EPHB2: variants seen among roughly 807,000 people sequenced by gnomAD.
EPHB2 encodes EPH receptor B2.
Under a neutral mutation model 96.4 loss-of-function variants are expected in EPHB2, and 18 were observed. That is an observed-to-expected ratio of 0.19 (90% CI 0.13 to 0.28). The LOEUF (loss-of-function observed/expected upper bound fraction) is 0.28, where lower values mean the gene tolerates loss of function less well. EPHB2 is among the 10% of genes least tolerant of loss of function. The pLI is 1.00. For synonymous variants in EPHB2, 506 were observed against 534.1 expected (o/e 0.95, Z 0.72); for missense variants, 989 against 1,355.4 (o/e 0.73, Z 4.25).
rs1339874233 is a variant in EPHB2, at chr1:22,905,780, G to C, written c.1766-207G>C. The stretch of plus-strand genomic sequence containing the variant: ...CTAAGACCTATCTGCCACCCCTGCT[G>C]GTCTCTGTTCCCCTCACCTCCTACT... On this transcript the variant is annotated intron_variant, in intron 9 of 15. Coordinates refer to ENST00000374630, the MANE Select transcript of EPHB2 (RefSeq NM_017449.5). Among the ~76,000 whole-genome samples the C allele has an allele frequency of 7.2e-5, 11 of 152,278 alleles. No homozygotes were observed. The East Asian group carries it at 2.1e-3, about 29-fold the overall frequency.
rs1454245792 is a variant in EPHB2 at position 22,781,411 on chromosome 1, C to G, written c.62-10C>G. 17 of 1,613,756 alleles carry G rather than the reference C, an allele frequency of 1.1e-5. No individual in the cohort carries two copies. The highest frequency in any genetic ancestry group is 1.4e-5 in the Non-Finnish European group (17 of 1,179,890). On this transcript the variant is annotated splice_polypyrimidine_tract_variant and intron_variant, in intron 1 of 15. Transcript: ENST00000374630. ...TGGGGCGGGGTGGTGACTCTTTGCT[C>G]TCCCCACAGAAACGCTAATGGACTC...
At chr1:22,889,435 T>C (rs1415735006) in intron 6 of EPHB2, among the ~76,000 whole-genome samples, 1 of 152,226 alleles carries the variant, frequency 6.6e-6, no homozygotes, top group Non-Finnish European at 1.5e-5. Context: ...TGGTACTGCA[T>C]CCCAGGTTTT....
At chr1:22,880,494 C>G (rs754413111) in intron 5 of EPHB2, among the ~76,000 whole-genome samples, 3 of 152,222 alleles carry the variant, frequency 2.0e-5, no homozygotes, top group Non-Finnish European at 2.9e-5. Flanking sequence ...GGTGAGTCCT[C>G]AGCCCCTCCT....
chr1:22,880,335 G>A (rs1638995442), intron 5 of EPHB2, among the ~76,000 whole-genome samples: 1 of 152,216 alleles, frequency 6.6e-6, no homozygotes, highest in Admixed American at 6.5e-5. Context: ...ATCCCATATG[G>A]TCAGAGCCCC....
chr1:22,862,987 T>C (rs754191330), intron 3 of EPHB2, 50 bp from the exon 4 acceptor site: 3 of 1,613,652 alleles, frequency 1.9e-6, no homozygotes, highest in Middle Eastern at 3.3e-4. Flanking sequence ...TCGTGACCTC[T>C]CTGAGTCTTC....
intron 1 of EPHB2, among the ~76,000 whole-genome samples, chr1:22,746,793 G>T (rs1050675967): frequency 3.9e-5 from 6 of 152,136 alleles, no homozygotes; most frequent in Non-Finnish European, 7.4e-5. Context: ...TCCCACGAGG[G>T]TGTAGGGGAG....
At chr1:22,741,089 C>T (rs753062564) in intron 1 of EPHB2, among the ~76,000 whole-genome samples, 18 of 152,072 alleles carry the variant, frequency 1.2e-4, no homozygotes, top group Admixed American at 7.2e-4. Flanking sequence ...ATGCAGGTCC[C>T]GTTTTCCTAT....
At position 22,728,699 on chromosome 1, in the gene EPHB2, A is replaced by T. The variant is rs1269072786; in HGVS notation, c.61+17656A>T. ...ACATGGACTGATCACACTAGGGATGATCTTCCCATGGCCGACAACTCTAAG... is the reference window on the plus strand; with the variant it reads ...ACATGGACTGATCACACTAGGGATGTTCTTCCCATGGCCGACAACTCTAAG... On this transcript the variant is annotated intron_variant, in intron 1 of 15. Coordinates refer to ENST00000374630, the MANE Select transcript of EPHB2 (RefSeq NM_017449.5). Among the ~76,000 whole-genome samples, 4 of 152,178 alleles carry T rather than the reference A, an allele frequency of 2.6e-5. No individual in the cohort carries two copies. In the East Asian group the frequency reaches 7.7e-4, roughly 29 times the overall value.
At chr1:22,788,482 C>T (rs1644643117) in intron 3 of EPHB2, among the ~76,000 whole-genome samples, 1 of 152,218 alleles carries the variant, frequency 6.6e-6, no homozygotes, top group African/African-American at 2.4e-5. Context: ...TGCTGCAGCC[C>T]AAGCCCCATA....
intron 3 of EPHB2, among the ~76,000 whole-genome samples, chr1:22,842,180 C>T (rs1245869807): frequency 3.3e-5 from 5 of 151,878 alleles, no homozygotes; most frequent in African/African-American, 1.2e-4. Context: ...AGAGGAGGCT[C>T]TGCCAGCCCC....
chr1:22,898,874 C>T (rs1186699037), intron 9 of EPHB2, among the ~76,000 whole-genome samples: 1 of 152,182 alleles, frequency 6.6e-6, no homozygotes, highest in East Asian at 1.9e-4. Flanking sequence ...TACGAAGCCT[C>T]TGGGTAAGAC....
chr1:22,859,397 CAG>C (rs984821057), intron 3 of EPHB2, among the ~76,000 whole-genome samples: 12 of 151,884 alleles, frequency 7.9e-5, no homozygotes, highest in African/African-American at 2.9e-4. Context: ...AGGGGCCCTG[CAG>C]AGTTTGGGCT....
chr1:22,782,202 A>G (rs949653272), intron 2 of EPHB2, among the ~76,000 whole-genome samples: 3 of 152,098 alleles, frequency 2.0e-5, no homozygotes, highest in Middle Eastern at 3.2e-3. Flanking sequence ...CAGTTTCTTC[A>G]TCTATAAAAT....
chr1:22,766,321 T>C (rs1046130049), intron 1 of EPHB2, among the ~76,000 whole-genome samples: 110 of 152,208 alleles, frequency 7.2e-4, no homozygotes, highest in African/African-American at 2.6e-3. Flanking sequence ...GCCTGGTACA[T>C]TGAGCACCTA....
intron 5 of EPHB2, among the ~76,000 whole-genome samples, chr1:22,870,591 A>G (rs1031876403): frequency 6.6e-6 from 1 of 152,186 alleles, no homozygotes. Flanking sequence ...CCGAATGACA[A>G]GCAGACAGCC....
chr1:22,849,090 G>A (rs1223235872), intron 3 of EPHB2, among the ~76,000 whole-genome samples: 1 of 152,132 alleles, frequency 6.6e-6, no homozygotes, highest in Non-Finnish European at 1.5e-5. Context: ...GGGCAGCTGG[G>A]GTTAAGAGCA....
At chr1:22,912,679 G>T in intron 15 of EPHB2, 80 bp downstream of exon 15, 1 of 1,593,600 alleles carries the variant, frequency 6.3e-7, no homozygotes, top group Non-Finnish European at 8.5e-7. Flanking sequence ...GTGATCTGGA[G>T]GGTGAGGAAT....
chr1:22,712,719 G>A (rs1045488146), intron 1 of EPHB2, among the ~76,000 whole-genome samples: 2 of 152,240 alleles, frequency 1.3e-5, no homozygotes, highest in African/African-American at 4.8e-5. Flanking sequence ...GGCCCTGGGT[G>A]TGGAGGGCAG....
rs922804000 is a variant in EPHB2 at position 22,733,061 on chromosome 1, CT to C, written c.61+22027del. Among the ~76,000 whole-genome samples the C allele has an allele frequency of 4.0e-5, 6 of 150,832 alleles. No individual in the cohort carries two copies. The highest frequency in any genetic ancestry group is 8.9e-5 in the Non-Finnish European group (6 of 67,640). On this transcript the variant is annotated intron_variant, in intron 1 of 15. Coordinates refer to ENST00000374630, the MANE Select transcript of EPHB2 (RefSeq NM_017449.5). The surrounding 1 kb of genome is among the most constrained non-coding windows in gnomAD (Gnocchi z 4.6). ...GCTGCCTTTCTTTCTTTCTTTCTTT[CT>C]TTTTTTTTGGAGTTTCGCTCTTGTC...
Sources: gnomAD v4.1 joint callset for allele counts (sites outside exome capture counted in the v4.1 genomes callset) on GRCh38, gnomAD v4.1.1 for gene constraint, Gnocchi (gnomAD v3.1) non-coding constraint, MANE v1.5 for transcripts, NCBI Gene and HGNC (gene_info 2026-07-23, HGNC 2026-07-21) for gene names.